The following LARP1B variants were observed in gnomAD, a reference collection of about 807,000 sequenced individuals.
LARP1B encodes la-related protein 1B.
A neutral mutation model predicts 114.2 loss-of-function variants in LARP1B; 76 were observed. The ratio of observed to expected loss-of-function variants is 0.67; its 90% CI spans 0.55 to 0.81. The LOEUF is 0.81. Among genes scored for constraint, LARP1B ranks in the 30% least tolerant of loss-of-function variants. LARP1B has a pLI of 0.00. For synonymous variants in LARP1B, 345 were observed against 348.0 expected (o/e 0.99, Z 0.10); for missense variants, 1,014 against 1,075.8 (o/e 0.94, Z 0.80).
chr4:128,078,429 T>A (rs974479167), intron 4 of LARP1B, among the ~76,000 whole-genome samples: 6 of 152,112 alleles, frequency 3.9e-5, no homozygotes, highest in African/African-American at 1.4e-4. Flanking sequence ...AAACCCTGTC[T>A]CCACTAAAAA....
intron 4 of LARP1B, among the ~76,000 whole-genome samples, chr4:128,078,462 A>G (rs1177074891): frequency 6.6e-5 from 10 of 151,898 alleles, no homozygotes; most frequent in Admixed American, 6.6e-4. Context: ...TTAGCCGAAC[A>G]TCGTGTTGCG....
Position 128,209,905 on chromosome 4 carries a change from G to T in LARP1B, c.2597G>T (p.Gly866Val). The T allele has an allele frequency of 2.5e-6, 4 of 1,613,826 alleles. No homozygotes were observed. Among genetic ancestry groups the T allele is most frequent in the Non-Finnish European group, 3.4e-6 (4 of 1,179,848 alleles). ...AGAAAAAGACATTCCTCTACTTCTGGTGAGGAGAGTAATCGTCATAGACTT... is the reference window on the plus strand; with the variant it reads ...AGAAAAAGACATTCCTCTACTTCTGTTGAGGAGAGTAATCGTCATAGACTT... ...FGRKRHSSTS[G>V]EESNRHRLPP... Residue 866 changes from glycine (G) to valine (V), a missense_variant, in exon 20 of 20, where the codon GGT becomes GTT. Physicochemically the swap from Gly to Val is moderately radical, Grantham distance 109. Coordinates refer to ENST00000326639, the MANE Select transcript of LARP1B (RefSeq NM_018078.4).
chr4:128,187,081 CATG>C (rs1411678056), intron 15 of LARP1B, among the ~76,000 whole-genome samples: 4 of 152,222 alleles, frequency 2.6e-5, no homozygotes, highest in African/African-American at 9.6e-5. Flanking sequence ...GCAGAGCCCT[CATG>C]GAGAACCTCT....
At chr4:128,067,238 TAAATTGTATAATTCTACA>T (rs1404821342) in intron 1 of LARP1B, among the ~76,000 whole-genome samples, 1 of 152,202 alleles carries the variant, frequency 6.6e-6, no homozygotes, top group African/African-American at 2.4e-5. Context: ...TTATACTATA[TAAATTGTATAATTCTACA>T]AAACAGGATG....
At chr4:128,088,283 G>A (rs1362652989) in intron 5 of LARP1B, among the ~76,000 whole-genome samples, 4 of 152,192 alleles carry the variant, frequency 2.6e-5, no homozygotes, top group Admixed American at 1.3e-4. Flanking sequence ...ACTTCGCTTT[G>A]TGCACTCTGC....
intron 11 of LARP1B, among the ~76,000 whole-genome samples, chr4:128,160,486 A>G (rs1028404283): frequency 2.6e-5 from 4 of 152,036 alleles, no homozygotes; most frequent in Non-Finnish European, 5.9e-5. Context: ...ACCTTCGATT[A>G]TTCATTGAGA....
At chr4:128,077,336 T>TA (rs1227237462) in intron 3 of LARP1B, among the ~76,000 whole-genome samples, 1,806 of 142,026 alleles carry the variant, frequency 0.013, 44 homozygotes, top group African/African-American at 0.043. Flanking sequence ...CCTCTCTACT[T>TA]AAAAAAAAAA....
chr4:128,091,619 C>CA lies in LARP1B; in HGVS notation c.668+108dup, dbSNP rs1775942127. The CA allele has an allele frequency of 5.1e-6, 4 of 781,232 alleles. No individual in the cohort carries two copies. In the Admixed American group the frequency reaches 8.4e-5, roughly 17 times the overall value. The allele number at this position is 781,232 out of a possible 1,614,324, so 48.4% of individuals were successfully genotyped here. The stretch of plus-strand genomic sequence containing the variant: ...CTATAATTTTTTTTTTTTTTTGAGA[C>CA]AGAGTCTCACTCTGTTGCCCAGGCT... On this transcript the variant is annotated intron_variant, in intron 7 of 19. Coordinates refer to ENST00000326639, the MANE Select transcript of LARP1B (RefSeq NM_018078.4).
At position 128,081,019 on chromosome 4, in the gene LARP1B, A is replaced by AT. The variant is rs547362222; in HGVS notation, c.218-1137dup. Among the ~76,000 whole-genome samples the AT allele has an allele frequency of 3.2e-3, 480 of 150,944 alleles. 4 individuals are homozygous for AT. The highest frequency in any genetic ancestry group is 0.011 in the African/African-American group (450 of 41,160). ...AGCCTAAGAATTTTAAATTAAACAG[A>AT]TTTTTTTTTAAAAAAGCCTAAGAAT... On this transcript the variant is annotated intron_variant, in intron 4 of 19. Transcript: ENST00000326639.
intron 5 of LARP1B, among the ~76,000 whole-genome samples, chr4:128,083,024 G>A (rs1213515425): frequency 6.6e-6 from 1 of 151,774 alleles, no homozygotes; most frequent in African/African-American, 2.4e-5. Flanking sequence ...GATTCTTAAC[G>A]AGCATGCTGC....
intron 17 of LARP1B, among the ~76,000 whole-genome samples, chr4:128,203,311 T>G (rs1756559800): frequency 2.6e-5 from 4 of 151,698 alleles, no homozygotes; most frequent in South Asian, 2.1e-4. Flanking sequence ...TGACAAATGA[T>G]TCCCTCTCTC....
At chr4:128,202,300 C>G (rs889780780) in intron 17 of LARP1B, among the ~76,000 whole-genome samples, 41 of 152,220 alleles carry the variant, frequency 2.7e-4, no homozygotes, top group African/African-American at 9.1e-4. Context: ...GGTTTGCTAC[C>G]TATTCGTCAA....
At chr4:128,086,619 C>T (rs1415251386) in intron 5 of LARP1B, among the ~76,000 whole-genome samples, 2 of 151,956 alleles carry the variant, frequency 1.3e-5, no homozygotes, top group Non-Finnish European at 2.9e-5. Flanking sequence ...GTGAGAGCCA[C>T]TGTACCTGGC....
chr4:128,134,472 A>G (rs1042968848), intron 11 of LARP1B, among the ~76,000 whole-genome samples: 1 of 152,224 alleles, frequency 6.6e-6, no homozygotes, highest in African/African-American at 2.4e-5. Flanking sequence ...ACTTAAACAT[A>G]TTACATAAAA....
chr4:128,166,170 T>TA (rs1740724064), intron 12 of LARP1B, among the ~76,000 whole-genome samples: 1 of 152,094 alleles, frequency 6.6e-6, no homozygotes, highest in African/African-American at 2.4e-5. Context: ...CTCTTCCTCC[T>TA]AGACTTCCAC....
chr4:128,107,652 T>C (rs1782573634), intron 9 of LARP1B: 2 of 1,420,128 alleles, frequency 1.4e-6, no homozygotes, highest in Admixed American at 6.2e-5. Context: ...TGGATTATTC[T>C]AAAAAGGTCT....
At chr4:128,190,653 G>T (rs2150783942) in intron 15 of LARP1B, among the ~76,000 whole-genome samples, 1 of 152,272 alleles carries the variant, frequency 6.6e-6, no homozygotes, top group South Asian at 2.1e-4. Context: ...CTCACCTGCT[G>T]CAGTGTAAGG....
At chr4:128,214,026 CAAAG>C (rs1246410353), downstream of LARP1B, among the ~76,000 whole-genome samples, 2 of 150,888 alleles carry the variant, frequency 1.3e-5, no homozygotes, top group South Asian at 4.3e-4. Context: ...CTTTCCGAGT[CAAAG>C]AAAGGGGTGA....
Position 128,082,144 on chromosome 4 carries a change from A to C in LARP1B, c.218-21A>C, listed in dbSNP as rs756963737. 5 of 1,604,428 alleles carry C rather than the reference A, an allele frequency of 3.1e-6. No individual in the cohort carries two copies. In the South Asian group the frequency reaches 5.6e-5, roughly 18 times the overall value. On this transcript the variant is annotated intron_variant, in intron 4 of 19. Coordinates refer to ENST00000326639, the MANE Select transcript of LARP1B (RefSeq NM_018078.4). ...AGTGAAAATTGTACATTTGTCCTTA[A>C]ATGATTTTGTTTTCTTCAAGCTAAT...
Sources: allele counts gnomAD v4.1 joint callset (sites outside exome capture counted in the v4.1 genomes callset), GRCh38; gene constraint gnomAD v4.1.1; transcripts MANE v1.5; gene names NCBI Gene and HGNC (gene_info 2026-07-23, HGNC 2026-07-21).